The following ZNF202 variants were observed in gnomAD, a reference collection of about 807,000 sequenced individuals.
ZNF202 encodes the protein zinc finger protein 202.
A neutral mutation model predicts 54.5 loss-of-function variants in ZNF202; 22 were observed. That is an observed-to-expected ratio of 0.40 (90% CI 0.29 to 0.58). The LOEUF (loss-of-function observed/expected upper bound fraction) is 0.58, where lower values mean the gene tolerates loss of function less well. ZNF202 is among the 20% of genes least tolerant of loss of function. The pLI is 0.39. For synonymous variants in ZNF202, 294 were observed against 301.4 expected, an observed-to-expected ratio of 0.98 and a Z score of 0.26; for missense variants, 644 against 805.5, an observed-to-expected ratio of 0.80 and a Z score of 2.43.
Position 123,726,708 on chromosome 11 carries a change from A to G in ZNF202, c.1236T>C (p.Leu412=). The G allele has an allele frequency of 6.2e-7, 1 of 1,614,216 alleles. No individual in the cohort carries two copies. Among genetic ancestry groups the G allele is most frequent in the South Asian group, 1.1e-5 (1 of 91,086 alleles). Reference sequence around the variant, plus strand: ...CTGTGTGAGTCCTCAGGTGTCTAACAAGGTGGGAGTTACAAGTGAAGCTCT... The same window carrying G: ...CTGTGTGAGTCCTCAGGTGTCTAACGAGGTGGGAGTTACAAGTGAAGCTCT... ...CGKSFTCNSH[L]VRHLRTHTGE... is the part of the protein sequence containing the mutation. The change falls in exon 9 of 9, where the codon CTT becomes CTC. Residue 412 remains leucine, a synonymous_variant. Transcript: ENST00000530393. This position sits in a 1 kb window ranked among gnomAD's most constrained non-coding sequence, Gnocchi z 6.0.
chr11:123,731,995 T>C (rs1861426964), intron 3 of ZNF202, among the ~76,000 whole-genome samples: 1 of 152,224 alleles, frequency 6.6e-6, no homozygotes, highest in South Asian at 2.1e-4. Context: ...CTGATCTCCC[T>C]ACAACAGGGT....
chr11:123,738,955 G>A (rs187425835), intron 3 of ZNF202: 7 of 152,214 alleles, frequency 4.6e-5, no homozygotes, highest in African/African-American at 1.2e-4. Flanking sequence ...CATTCTTGTC[G>A]TGGGCATGGC....
chr11:123,741,486 TGCCCGATCTGGTCCG>T (rs931002905), intron 1 of ZNF202, 48 bp downstream of exon 1: 5 of 152,246 alleles, frequency 3.3e-5, no homozygotes, highest in African/African-American at 1.2e-4. Flanking sequence ...TGCCCGGCTC[TGCCCGATCTGGTCCG>T]GCCCGGTCCA....
At position 123,726,017 on chromosome 11, in the gene ZNF202, G is replaced by C; in HGVS notation, c.1927C>G (p.His643Asp). The change falls in exon 9 of 9, where the codon CAC becomes GAC. Residue 643 changes from histidine (H) to aspartate (D), a missense_variant. His to Asp is a moderately conservative substitution (Grantham distance 81). This residue lies in a region of ZNF202 where 536 missense variants were observed against 635.3 expected (regional missense o/e 0.84). Coordinates refer to ENST00000530393, the MANE Select transcript of ZNF202 (RefSeq NM_003455.4). The surrounding 1 kb of genome is among the most constrained non-coding windows in gnomAD (Gnocchi z 6.0). ...GYHLIRHQRT[H>D]SEKTS ...CCTAGCTAGGAGGTCTTTTCTGAGT[G>C]GGTCCTCTGATGCCTAATTAAGTGA... The C allele has an allele frequency of 6.2e-7, 1 of 1,613,002 alleles. No individual in the cohort carries two copies. The highest frequency in any genetic ancestry group is 8.5e-7 in the Non-Finnish European group (1 of 1,179,142).
In ZNF202 at chr11:123,724,135, T is replaced by A. The variant is rs1198128052; in HGVS notation, c.*1862A>T. 1 of 152,228 alleles carries A rather than the reference T, an allele frequency of 6.6e-6. No homozygotes were observed. Among genetic ancestry groups the A allele is most frequent in the Non-Finnish European group, 1.5e-5 (1 of 68,040 alleles). 9.4% of individuals were successfully genotyped at this position (152,228 alleles called of 1,614,324 possible). On this transcript the variant is annotated 3_prime_UTR_variant, in exon 9 of 9. Transcript: ENST00000530393. ...GAAATGCCTGCTTATTAGGACAGTA[T>A]CTTCTGCAAACTCCAGGCTTGGATC... is the stretch of plus-strand genomic sequence containing the variant.
chr11:123,741,313 G>A (rs1021886764), intron 1 of ZNF202, among the ~76,000 whole-genome samples: 3 of 152,090 alleles, frequency 2.0e-5, no homozygotes, highest in African/African-American at 7.2e-5. Flanking sequence ...AGCCGGGAGC[G>A]CCATCCGTGT....
At chr11:123,729,355 A>G (rs1861299524) in intron 5 of ZNF202, 141 bp from the exon 6 acceptor site, 3 of 879,888 alleles carry the variant, frequency 3.4e-6, no homozygotes, top group South Asian at 3.2e-5. Context: ...GCCTAAGGGT[A>G]GCTCCCATAT....
intron 8 of ZNF202, 60 bp from the exon 9 acceptor site, chr11:123,727,051 A>T (rs546950739): frequency 1.3e-6 from 2 of 1,532,922 alleles, no homozygotes; most frequent in Middle Eastern, 1.8e-4. Flanking sequence ...CCTTCTACAC[A>T]ATGGGGAGAT....
chr11:123,726,260 C>T lies in ZNF202; in HGVS notation c.1684G>A (p.Glu562Lys). ...YLAHRKTHAAEELYLCSECGR... is the reference protein window; with the variant it reads ...YLAHRKTHAAKELYLCSECGR... ...CACTCGCTGCAGAGGTAGAGTTCCT[C>T]AGCAGCGTGCGTCTTCCGGTGCGCC... Residue 562 changes from glutamate to lysine, a missense_variant, in exon 9 of 9, where the codon GAG becomes AAG. This residue lies in a region of ZNF202 where 536 missense variants were observed against 635.3 expected (regional missense o/e 0.84). Coordinates refer to ENST00000530393, the MANE Select transcript of ZNF202 (RefSeq NM_003455.4). This position sits in a 1 kb window ranked among gnomAD's most constrained non-coding sequence, Gnocchi z 6.0. 6.2e-7 allele frequency: 1 copy of T among 1,614,234 alleles called. No homozygotes were observed. The highest frequency in any genetic ancestry group is 8.5e-7 in the Non-Finnish European group (1 of 1,180,044).
chr11:123,727,580 C>T lies in ZNF202; in HGVS notation c.848G>A (p.Arg283Lys), dbSNP rs2137317690. The change falls in exon 8 of 9, where the codon AGA becomes AAA. Residue 283 changes from arginine (R) to lysine (K), a missense_variant. Transcript: ENST00000530393. ...TCTAACCTGGGAGATCTCATCAGGT[C>T]TGGGGATTGGAAATGCTGCTCAAGA... ...IVVSLSFPIP[R>K]PDEISQVREE... The T allele has an allele frequency of 6.2e-7, 1 of 1,614,092 alleles. No homozygotes were observed. Among genetic ancestry groups the T allele is most frequent in the East Asian group, 2.2e-5 (1 of 44,882 alleles).
At chr11:123,728,477 GTTC>G (rs201895530) in intron 6 of ZNF202, among the ~76,000 whole-genome samples, 1 of 151,802 alleles carries the variant, frequency 6.6e-6, no homozygotes, top group African/African-American at 2.4e-5. Context: ...ACCAGCTTAT[GTTC>G]TTCTTCTTTA....
Position 123,739,621 on chromosome 11 carries a change from G to A in ZNF202, c.-98+496C>T, listed in dbSNP as rs1861777296. 2.0e-5 allele frequency: 3 copies of A among 152,182 alleles called. 1 individual carries two copies. Among genetic ancestry groups the A allele is most frequent in the African/African-American group, 7.2e-5 (3 of 41,434 alleles). 9.4% of individuals were successfully genotyped at this position (152,182 alleles called of 1,614,324 possible). ...CAAATTTGGCATATAGCATTCAGTT[G>A]TTTTAAGTACGCTTTCTTAATTTTG... On this transcript the variant is annotated intron_variant, in intron 3 of 8. Transcript: ENST00000530393.
intron 4 of ZNF202, 86 bp from the exon 5 acceptor site, chr11:123,729,911 T>C: frequency 1.5e-6 from 2 of 1,365,492 alleles, no homozygotes; most frequent in Non-Finnish European, 2.0e-6. Flanking sequence ...AGAAGATGCC[T>C]AGAGAAAACA....
intron 3 of ZNF202, among the ~76,000 whole-genome samples, chr11:123,738,379 T>C (rs570153224): frequency 6.6e-4 from 100 of 152,282 alleles, no homozygotes; most frequent in African/African-American, 2.3e-3. Context: ...TTAACCTCCA[T>C]CATGAAGCTA....
rs147222260 is a variant in ZNF202 at position 123,726,546 on chromosome 11, G to A, written c.1398C>T (p.Ser466=). The part of the protein sequence containing the change: ...PLNRKNLEET[S]PVTQAERTPS... ...GAGTTCTCTCAGCCTGTGTCACAGGGGAGGTCTCTTCCAAATTCTTCCGGT... is the reference window on the plus strand; with the variant it reads ...GAGTTCTCTCAGCCTGTGTCACAGGAGAGGTCTCTTCCAAATTCTTCCGGT... The change falls in exon 9 of 9, where the codon TCC becomes TCT. Residue 466 remains serine, a synonymous_variant. Transcript: ENST00000530393. This position sits in a 1 kb window ranked among gnomAD's most constrained non-coding sequence, Gnocchi z 6.0. 6.2e-6 allele frequency: 10 copies of A among 1,614,090 alleles called. No homozygotes were observed. The highest frequency in any genetic ancestry group is 8.5e-6 in the Non-Finnish European group (10 of 1,180,050).
At chr11:123,741,051 T>TG (rs1470921922) in intron 1 of ZNF202, among the ~76,000 whole-genome samples, 1 of 115,598 alleles carries the variant, frequency 8.7e-6, no homozygotes, top group Non-Finnish European at 1.8e-5. Flanking sequence ...GGGTGTGTGC[T>TG]GGGGGGCTGA....
In ZNF202 at chr11:123,725,963, G is replaced by A. The variant is rs765729482; in HGVS notation, c.*34C>T. The A allele has an allele frequency of 2.5e-6, 4 of 1,578,198 alleles. No homozygotes were observed. The highest frequency in any genetic ancestry group is 3.4e-6 in the Non-Finnish European group (4 of 1,161,828). On this transcript the variant is annotated 3_prime_UTR_variant, in exon 9 of 9. Transcript: ENST00000530393. ...CTCTTCCTCACCTCCCTTAGGTGAG[G>A]GCTGAAAGCAGATCTCCTCACATGG...
chr11:123,732,781 G>C (rs1235608066), intron 3 of ZNF202, among the ~76,000 whole-genome samples: 1 of 151,982 alleles, frequency 6.6e-6, no homozygotes. Flanking sequence ...CTACTCCAAA[G>C]CTTCTTCCTA....
At position 123,724,175 on chromosome 11, in the gene ZNF202, A is replaced by G. The variant is rs369588699; in HGVS notation, c.*1822T>C. 6.6e-6 allele frequency: 1 copy of G among 152,184 alleles called. No homozygotes were observed. The allele number at this position is 152,184 out of a possible 1,614,324, so 9.4% of individuals were successfully genotyped here. A position where few individuals can be genotyped will look rare whatever the true frequency, so the allele number is the denominator to read the frequency against. ...AGGCTTGGATCTTATCTCAGAGTGCATATGTTTCACCGGACTCTGCTAATC... is the reference window on the plus strand; with the variant it reads ...AGGCTTGGATCTTATCTCAGAGTGCGTATGTTTCACCGGACTCTGCTAATC... On this transcript the variant is annotated 3_prime_UTR_variant, in exon 9 of 9. Transcript: ENST00000530393.
Sources: gnomAD v4.1 joint callset for allele counts (sites outside exome capture counted in the v4.1 genomes callset) on GRCh38, gnomAD v4.1.1 for gene constraint, gnomAD v4.1.1 regional missense constraint, Gnocchi (gnomAD v3.1) non-coding constraint, MANE v1.5 for transcripts, NCBI Gene and HGNC (gene_info 2026-07-23, HGNC 2026-07-21) for gene names.